Variants in NR2F1-AS1 observed in about 807,000 individuals in gnomAD.
The protein encoded by NR2F1-AS1 is NR2F1 antisense RNA 1.
At chr5:93,518,851 T>C (rs1653250891) in intron 4 of NR2F1-AS1, among the ~76,000 whole-genome samples, 1 of 152,088 alleles carries the variant, frequency 6.6e-6, no homozygotes, top group African/African-American at 2.4e-5. Context: ...CACAGTATTA[T>C]GCTCCTTCAG....
chr5:93,484,340 C>A (rs1324075424), intron 4 of NR2F1-AS1, among the ~76,000 whole-genome samples: 2 of 152,162 alleles, frequency 1.3e-5, no homozygotes, highest in African/African-American at 4.8e-5. Flanking sequence ...AATTTCATAT[C>A]CAGCCAAACT....
At chr5:93,465,699 A>T (rs1358592761) in intron 4 of NR2F1-AS1, among the ~76,000 whole-genome samples, 1 of 152,228 alleles carries the variant, frequency 6.6e-6, no homozygotes, top group Admixed American at 6.5e-5. Flanking sequence ...GATAGACTGG[A>T]TTAAGAAAAT....
At position 93,472,600 on chromosome 5, in the gene NR2F1-AS1, A is replaced by G. The variant is rs949656179; in HGVS notation, n.639-77058T>C. On this transcript the variant is annotated intron_variant and non_coding_transcript_variant, in intron 4 of 5. Transcript: ENST00000660523. ...TATTTAATTGACATTTCAGACTACT[A>G]ATCATTAGGTAGAAAAATCTGTGGG... Among the ~76,000 whole-genome samples the G allele has an allele frequency of 5.3e-5, 8 of 151,866 alleles. No individual in the cohort carries two copies. The East Asian group carries it at 1.5e-3, about 29-fold the overall frequency.
intron 4 of NR2F1-AS1, among the ~76,000 whole-genome samples, chr5:93,533,316 G>C (rs990485245): frequency 1.3e-5 from 2 of 151,940 alleles, no homozygotes; most frequent in African/African-American, 4.8e-5. Context: ...TTATTCAATG[G>C]ATTTATTTTC....
intron 4 of NR2F1-AS1, among the ~76,000 whole-genome samples, chr5:93,419,920 G>A (rs531058967): frequency 6.6e-6 from 1 of 152,244 alleles, no homozygotes; most frequent in South Asian, 2.1e-4. Flanking sequence ...CTTGGGGCCG[G>A]GCATGGTGGC....
intron 4 of NR2F1-AS1, among the ~76,000 whole-genome samples, chr5:93,478,827 G>GA (rs955870189): frequency 6.6e-6 from 1 of 152,104 alleles, no homozygotes; most frequent in African/African-American, 2.4e-5. Context: ...TTTTCTTATA[G>GA]AAACTTGTTT....
At chr5:93,467,197 T>C (rs1418745884) in intron 4 of NR2F1-AS1, among the ~76,000 whole-genome samples, 1 of 152,154 alleles carries the variant, frequency 6.6e-6, no homozygotes, top group Non-Finnish European at 1.5e-5. Context: ...CGTGAAAATG[T>C]CCATATTGCC....
intron 1 of NR2F1-AS1, among the ~76,000 whole-genome samples, chr5:93,568,444 T>G (rs545031002): frequency 6.6e-6 from 1 of 152,336 alleles, no homozygotes; most frequent in Admixed American, 6.5e-5. Context: ...TGATGAAAAC[T>G]AATGGCAAGA....
At chr5:93,495,895 G>C (rs1750950186) in intron 4 of NR2F1-AS1, among the ~76,000 whole-genome samples, 1 of 151,656 alleles carries the variant, frequency 6.6e-6, no homozygotes, top group African/African-American at 2.4e-5. Flanking sequence ...TTTAAAAGCA[G>C]GAAAAAAATG....
chr5:93,538,613 A>T (rs1751888248), intron 4 of NR2F1-AS1, among the ~76,000 whole-genome samples: 1 of 152,234 alleles, frequency 6.6e-6, no homozygotes, highest in Non-Finnish European at 1.5e-5. Flanking sequence ...AGTTGTAGGA[A>T]ATACTTCTTA....
intron 4 of NR2F1-AS1, among the ~76,000 whole-genome samples, chr5:93,411,851 C>T (rs994261137): frequency 6.6e-6 from 1 of 152,196 alleles, no homozygotes; most frequent in Non-Finnish European, 1.5e-5. Flanking sequence ...GTCCCAGGCC[C>T]TACCCCTTTG....
intron 4 of NR2F1-AS1, among the ~76,000 whole-genome samples, chr5:93,516,944 C>T (rs1751410855): frequency 1.3e-5 from 2 of 151,886 alleles, no homozygotes; most frequent in African/African-American, 4.8e-5. Flanking sequence ...CACCTATTAA[C>T]CAGACTCAAA....
chr5:93,476,204 A>C (rs1306765499), intron 4 of NR2F1-AS1, among the ~76,000 whole-genome samples: 1 of 152,158 alleles, frequency 6.6e-6, no homozygotes, highest in Non-Finnish European at 1.5e-5. Context: ...GCATGTCATA[A>C]ATTTTGTAGT....
intron 4 of NR2F1-AS1, among the ~76,000 whole-genome samples, chr5:93,413,028 C>A (rs1032123278): frequency 1.3e-5 from 2 of 150,562 alleles, no homozygotes; most frequent in Non-Finnish European, 3.0e-5. Context: ...TTCATAGGAA[C>A]TTCCTCACCC....
At chr5:93,555,266 G>A (rs1752328615) in intron 2 of NR2F1-AS1, among the ~76,000 whole-genome samples, 1 of 152,106 alleles carries the variant, frequency 6.6e-6, no homozygotes, top group Non-Finnish European at 1.5e-5. Context: ...ATAATACTCT[G>A]TAACCAGTTC....
At chr5:93,429,689 G>T (rs1246798289) in intron 4 of NR2F1-AS1, among the ~76,000 whole-genome samples, 1 of 152,204 alleles carries the variant, frequency 6.6e-6, no homozygotes, top group Non-Finnish European at 1.5e-5. Context: ...GTATGTGTAT[G>T]AGCTGCAAAA....
upstream of NR2F1-AS1, among the ~76,000 whole-genome samples, chr5:93,581,975 C>CCTCTCTCTCTCTCTCCCCTCTCCTCTCTT (rs1753099834): frequency 9.8e-6 from 1 of 102,240 alleles, no homozygotes; most frequent in Non-Finnish European, 2.1e-5. Flanking sequence ...CTCTCTCTCT[C>CCTCTCTCTCTCTCTCCCCTCTCCTCTCTT]CTCTCTCTCT....
intron 4 of NR2F1-AS1, among the ~76,000 whole-genome samples, chr5:93,529,061 T>C (rs1055537413): frequency 2.6e-5 from 4 of 152,014 alleles, no homozygotes; most frequent in African/African-American, 9.7e-5. Context: ...AAAAATAGAA[T>C]GTGAGTAATG....
chr5:93,440,646 C>T (rs1198396386), intron 4 of NR2F1-AS1, among the ~76,000 whole-genome samples: 1 of 152,050 alleles, frequency 6.6e-6, no homozygotes, highest in Non-Finnish European at 1.5e-5. Flanking sequence ...TATAGTAAAT[C>T]TCTCACTCAC....
Sources: gnomAD v4.1 joint callset for allele counts (sites outside exome capture counted in the v4.1 genomes callset) on GRCh38, gnomAD v4.1.1 for gene constraint, MANE v1.5 for transcripts, NCBI Gene and HGNC (gene_info 2026-07-23, HGNC 2026-07-21) for gene names.